The following ZNF793 variants were observed in gnomAD, a reference collection of about 807,000 sequenced individuals.
ZNF793 encodes zinc finger protein 793.
In ZNF793, 5 loss-of-function variants were observed where a neutral mutation model predicts 12.4. The ratio of observed to expected loss-of-function variants is 0.40; its 90% CI spans 0.21 to 0.84. The LOEUF is 0.84. ZNF793 is among the 40% of genes least tolerant of loss of function. The probability of loss-of-function intolerance (pLI) is 0.35; values close to 1 mark genes in which losing one functional copy is unlikely to be tolerated. For synonymous variants in ZNF793, 162 were observed against 172.4 expected, an observed-to-expected ratio of 0.94 and a Z score of 0.47; for missense variants, 456 against 495.0, an observed-to-expected ratio of 0.92 and a Z score of 0.75.
In ZNF793 at chr19:37,537,081, T is replaced by A; in HGVS notation, c.423T>A (p.Pro141=). The change falls in exon 8 of 8, where the codon CCT becomes CCA. Residue 141 remains proline (P), a synonymous_variant. Transcript: ENST00000627814. ...TCCAGAGCCCTAGTAACTGGAACCC[T>A]TGTGGAAAGAATTTGAACCATAATT... ...SSIQSPSNWN[P]CGKNLNHNLD... 6.2e-7 allele frequency: 1 copy of A among 1,613,684 alleles called. No homozygotes were observed. Among genetic ancestry groups the A allele is most frequent in the Non-Finnish European group, 8.5e-7 (1 of 1,179,728 alleles).
intron 7 of ZNF793, 92 bp from the exon 8 acceptor site, chr19:37,536,805 C>G: frequency 7.3e-7 from 1 of 1,377,964 alleles, no homozygotes; most frequent in South Asian, 1.5e-5. Flanking sequence ...GGTTCATGTT[C>G]TCTATTTGTG....
rs1428335716 is a variant in ZNF793, at chr19:37,542,302, A to C, written c.*4423A>C. 1 of 211,910 alleles carries C rather than the reference A, an allele frequency of 4.7e-6. No homozygotes were observed. Among genetic ancestry groups the C allele is most frequent in the African/African-American group, 2.3e-5 (1 of 43,414 alleles). The allele number at this position is 211,910 out of a possible 1,614,324, so 13.1% of individuals were successfully genotyped here. ...CAGCTACTCGGGAGGCTGAGGCAGG[A>C]GAATCACTTGAACCCAGGAGGCAGA... On this transcript the variant is annotated 3_prime_UTR_variant, in exon 8 of 8. Coordinates refer to ENST00000627814, the MANE Select transcript of ZNF793 (RefSeq NM_001013659.3).
chr19:37,533,392 G>A lies in ZNF793; in HGVS notation c.227G>A (p.Cys76Tyr), dbSNP rs1296667742. The change falls in exon 7 of 8, where the codon TGC (cysteine) becomes TAC (tyrosine). Residue 76 changes from cysteine (C) to tyrosine (Y), a missense_variant. By Grantham distance (194) the Cys-to-Tyr change is radical. Coordinates refer to ENST00000627814, the MANE Select transcript of ZNF793 (RefSeq NM_001013659.3). ...PWIGEAACPG[C>Y]HCWEDIWRVN... is the part of the protein sequence containing the mutation. ...ATTGGTGAGGCAGCATGCCCGGGCTGCCACTGTTGGGGTAAGTGTGATAAA... is the reference window on the plus strand; with the variant it reads ...ATTGGTGAGGCAGCATGCCCGGGCTACCACTGTTGGGGTAAGTGTGATAAA... 16 of 1,613,936 alleles carry A rather than the reference G, an allele frequency of 9.9e-6. No individual in the cohort carries two copies. The highest frequency in any genetic ancestry group is 1.3e-5 in the African/African-American group (1 of 75,042).
At chr19:37,523,002 G>A (rs915311341) in intron 4 of ZNF793, among the ~76,000 whole-genome samples, 2 of 151,950 alleles carry the variant, frequency 1.3e-5, no homozygotes, top group African/African-American at 4.8e-5. Context: ...AGAGATAAAG[G>A]GTATTTATTT....
At position 37,540,940 on chromosome 19, in the gene ZNF793, A is replaced by G. The variant is rs978126709; in HGVS notation, c.*3061A>G. 1 of 152,018 alleles carries G rather than the reference A, an allele frequency of 6.6e-6. No homozygotes were observed. The highest frequency in any genetic ancestry group is 1.5e-5 in the Non-Finnish European group (1 of 67,978). The allele number at this position is 152,018 out of a possible 1,614,324, so 9.4% of individuals were successfully genotyped here. A position where few individuals can be genotyped will look rare whatever the true frequency, so the allele number is the denominator to read the frequency against. ...TGTATAAAAACATCACATGTACCCA[A>G]TAAATATATACAACAATTATATATC... is the stretch of plus-strand genomic sequence containing the variant. On this transcript the variant is annotated 3_prime_UTR_variant, in exon 8 of 8. Transcript: ENST00000627814.
At chr19:37,526,126 G>A (rs1406889816) in intron 5 of ZNF793, among the ~76,000 whole-genome samples, 9 of 151,988 alleles carry the variant, frequency 5.9e-5, no homozygotes, top group Admixed American at 5.9e-4. Context: ...CAGTCACCAT[G>A]CCGTGCTAAT....
At chr19:37,532,175 G>C (rs2042466946) in intron 5 of ZNF793, among the ~76,000 whole-genome samples, 181 bp from the exon 6 acceptor site, 1 of 151,726 alleles carries the variant, frequency 6.6e-6, no homozygotes, top group Non-Finnish European at 1.5e-5. Flanking sequence ...CACCATGCCT[G>C]GTGAATTTTT....
rs117960636 is a variant in ZNF793 at position 37,511,123 on chromosome 19, C to A, written c.-276+2720C>A. 6.3e-3 allele frequency among the ~76,000 whole-genome samples: 953 copies of A among 152,278 alleles called. 25 individuals carry two copies. The highest frequency in any genetic ancestry group is 0.051 in the East Asian group (264 of 5,174). ...CCACAGCCTAGATCAAGATATTCAT[C>A]ACTTCTAACACCTGGAAGGTGTCCT... On this transcript the variant is annotated intron_variant, in intron 2 of 7. Transcript: ENST00000627814.
intron 1 of ZNF793, chr19:37,507,179 G>GT (rs141067011): frequency 2.3e-4 from 35 of 152,912 alleles, no homozygotes; most frequent in African/African-American, 8.2e-4. Context: ...AGCCTCGCGG[G>GT]GCCTCAGTGG....
At chr19:37,524,569 A>G (rs1401983852) in intron 5 of ZNF793, among the ~76,000 whole-genome samples, 1 of 152,250 alleles carries the variant, frequency 6.6e-6, no homozygotes, top group Middle Eastern at 3.2e-3. Context: ...TGTACTGTTT[A>G]TAAGGAAGAA....
intron 5 of ZNF793, among the ~76,000 whole-genome samples, chr19:37,527,359 T>C (rs1000325520): frequency 2.0e-5 from 3 of 152,196 alleles, no homozygotes; most frequent in Admixed American, 2.0e-4. Flanking sequence ...CTGGCCAGAA[T>C]TGTTTTCCCT....
At position 37,540,470 on chromosome 19, in the gene ZNF793, G is replaced by C. The variant is rs185124442; in HGVS notation, c.*2591G>C. 4 of 150,432 alleles carry C rather than the reference G, an allele frequency of 2.7e-5. No individual in the cohort carries two copies. Among genetic ancestry groups the C allele is most frequent in the Non-Finnish European group, 4.4e-5 (3 of 67,428 alleles). The allele number at this position is 150,432 out of a possible 1,614,324, so 9.3% of individuals were successfully genotyped here. On this transcript the variant is annotated 3_prime_UTR_variant, in exon 8 of 8. Coordinates refer to ENST00000627814, the MANE Select transcript of ZNF793 (RefSeq NM_001013659.3). ...ACAGTTTAAAGGAGAAGAATCATAT[G>C]AACTCTCAACAGATACTGAGAAGGC...
intron 5 of ZNF793, among the ~76,000 whole-genome samples, 193 bp downstream of exon 5, chr19:37,523,647 G>A (rs1003209649): frequency 6.6e-6 from 1 of 152,152 alleles, no homozygotes; most frequent in African/African-American, 2.4e-5. Context: ...AGACAGTGAG[G>A]GAAGCTGGAT....
chr19:37,519,542 A>C (rs754657284), intron 2 of ZNF793, among the ~76,000 whole-genome samples: 2 of 152,242 alleles, frequency 1.3e-5, no homozygotes, highest in Non-Finnish European at 2.9e-5. Context: ...ATGACAAATA[A>C]GGACAAATGT....
chr19:37,515,527 C>G (rs1600406492), intron 2 of ZNF793, among the ~76,000 whole-genome samples: 1 of 152,120 alleles, frequency 6.6e-6, no homozygotes, highest in Non-Finnish European at 1.5e-5. Context: ...CCAGGATGGT[C>G]TCAATCTCCT....
chr19:37,520,296 AG>A lies in ZNF793; in HGVS notation c.-161del, dbSNP rs1488124846. The A allele has an allele frequency of 6.6e-6, 1 of 152,320 alleles. No homozygotes were observed. The highest frequency in any genetic ancestry group is 1.5e-5 in the Non-Finnish European group (1 of 68,150). 9.4% of individuals were successfully genotyped at this position (152,320 alleles called of 1,614,324 possible). The stretch of plus-strand genomic sequence containing the variant: ...GGACCTTGGTCACAACATCTACAGA[AG>A]GCCCTGCAGCTAAGTGTGAGTTACT... On this transcript the variant is annotated 5_prime_UTR_variant, in exon 3 of 8. Transcript: ENST00000627814.
chr19:37,528,187 G>C (rs1252636369), intron 5 of ZNF793, among the ~76,000 whole-genome samples: 1 of 152,112 alleles, frequency 6.6e-6, no homozygotes, highest in Non-Finnish European at 1.5e-5. Context: ...TCATGAAGCA[G>C]AGTTTAGGAG....
At chr19:37,526,692 A>G (rs2042418314) in intron 5 of ZNF793, among the ~76,000 whole-genome samples, 1 of 152,144 alleles carries the variant, frequency 6.6e-6, no homozygotes, top group Non-Finnish European at 1.5e-5. Flanking sequence ...TCCTGCCTTT[A>G]GGCCCATTTG....
Position 37,540,818 on chromosome 19 carries a change from A to C in ZNF793, c.*2939A>C, listed in dbSNP as rs1005848851. On this transcript the variant is annotated 3_prime_UTR_variant, in exon 8 of 8. Coordinates refer to ENST00000627814, the MANE Select transcript of ZNF793 (RefSeq NM_001013659.3). ...TCAAGAGCTGTTCTCCATACTGACA[A>C]GAAAACATAATTTATATGTACTTCT... 6 of 152,258 alleles carry C rather than the reference A, an allele frequency of 3.9e-5. No individual in the cohort carries two copies. The highest frequency in any genetic ancestry group is 1.4e-4 in the African/African-American group (6 of 41,568). The allele number at this position is 152,258 out of a possible 1,614,324, so 9.4% of individuals were successfully genotyped here. A position where few individuals can be genotyped will look rare whatever the true frequency, so the allele number is the denominator to read the frequency against.
Sources: gnomAD v4.1 joint callset for allele counts (sites outside exome capture counted in the v4.1 genomes callset) on GRCh38, gnomAD v4.1.1 for gene constraint, MANE v1.5 for transcripts, NCBI Gene and HGNC (gene_info 2026-07-23, HGNC 2026-07-21) for gene names.